The following STPG2 variants were observed in gnomAD, a reference collection of about 807,000 sequenced individuals.
STPG2 encodes sperm tail PG-rich repeat containing 2, also known as sperm-tail PG-rich repeat-containing protein 2.
In STPG2, 56 loss-of-function variants were observed where a neutral mutation model predicts 54.2. The observed-to-expected ratio is 1.03, with a 90% CI of 0.83 to 1.29. The LOEUF is 1.29. Ranked by LOEUF, STPG2 falls within the 50% of genes most tolerant of loss-of-function variation. STPG2 has a pLI of 0.00. For synonymous variants in STPG2, 200 were observed against 181.8 expected (o/e 1.10, Z -0.81); for missense variants, 596 against 544.9 (o/e 1.09, Z -0.93).
At position 97,486,488 on chromosome 4, in the gene STPG2, A is replaced by G. The variant is rs572042296; in HGVS notation, c.462+226211T>C. Among the ~76,000 whole-genome samples, 5 of 152,000 alleles carry G rather than the reference A, an allele frequency of 3.3e-5. No homozygotes were observed. The South Asian group carries it at 1.0e-3, about 32-fold the overall frequency. ...TGCAATACCACCTACTCCTGCAAGA[A>G]TGACCATAATCAAAAAATCAAAAAA... On this transcript the variant is annotated intron_variant, in intron 4 of 4. Coordinates refer to the STPG2 transcript ENST00000522676.
intron 8 of STPG2, among the ~76,000 whole-genome samples, chr4:97,943,309 T>A (rs974458573): frequency 6.6e-6 from 1 of 152,166 alleles, no homozygotes; most frequent in African/African-American, 2.4e-5. Context: ...AGCAACATTA[T>A]CACTGGGTCC....
intron 4 of STPG2, among the ~76,000 whole-genome samples, chr4:97,452,606 T>C (rs1349484870): frequency 2.0e-5 from 3 of 152,094 alleles, no homozygotes; most frequent in Non-Finnish European, 2.9e-5. Context: ...GCAACCCTTA[T>C]TGTTGACAGC....
At chr4:97,696,625 T>C (rs1276460712) in intron 10 of STPG2, among the ~76,000 whole-genome samples, 1 of 152,122 alleles carries the variant, frequency 6.6e-6, no homozygotes, top group Non-Finnish European at 1.5e-5. Flanking sequence ...AATCTATACA[T>C]CTGACAATGG....
rs1440640202 is a variant in STPG2 at position 97,858,721 on chromosome 4, C to A, written c.1045-17789G>T. ...AACTCCATCCAGGTTGCTGTGAATGCCATTATTTCATTTCTTTTCATTGCT... is the reference window on the plus strand; with the variant it reads ...AACTCCATCCAGGTTGCTGTGAATGACATTATTTCATTTCTTTTCATTGCT... On this transcript the variant is annotated intron_variant, in intron 8 of 10. Coordinates refer to ENST00000295268, the MANE Select transcript of STPG2 (RefSeq NM_174952.3). 2.6e-5 allele frequency among the ~76,000 whole-genome samples: 4 copies of A among 152,264 alleles called. No individual in the cohort carries two copies. The South Asian group carries it at 6.2e-4, about 24-fold the overall frequency.
chr4:97,949,702 G>T (rs1224037416), intron 7 of STPG2, among the ~76,000 whole-genome samples: 1 of 152,178 alleles, frequency 6.6e-6, no homozygotes, highest in African/African-American at 2.4e-5. Flanking sequence ...AGAGGCTAAA[G>T]ATAGGACCCC....
intron 10 of STPG2, among the ~76,000 whole-genome samples, chr4:97,609,112 A>G (rs1733670491): frequency 6.6e-6 from 1 of 152,086 alleles, no homozygotes; most frequent in Admixed American, 6.6e-5. Flanking sequence ...AAATTTCAAA[A>G]CAAAGTTTTA....
chr4:97,680,619 A>C (rs1024271079), intron 10 of STPG2, among the ~76,000 whole-genome samples: 1 of 152,040 alleles, frequency 6.6e-6, no homozygotes, highest in Non-Finnish European at 1.5e-5. Flanking sequence ...AATACCCTTT[A>C]TTTCCTTCTC....
intron 4 of STPG2, among the ~76,000 whole-genome samples, chr4:97,462,786 G>T (rs1319280698): frequency 6.6e-6 from 1 of 151,634 alleles, no homozygotes; most frequent in Non-Finnish European, 1.5e-5. Flanking sequence ...GATTATTTTG[G>T]ACTCTTAAAT....
chr4:97,904,732 C>A (rs1731333413), intron 8 of STPG2, among the ~76,000 whole-genome samples: 1 of 152,134 alleles, frequency 6.6e-6, no homozygotes, highest in Non-Finnish European at 1.5e-5. Flanking sequence ...GAATGTATAA[C>A]TAGAATAATC....
chr4:97,840,117 T>G (rs1728750532), intron 9 of STPG2, among the ~76,000 whole-genome samples: 1 of 151,634 alleles, frequency 6.6e-6, no homozygotes, highest in African/African-American at 2.4e-5. Flanking sequence ...ATTTTGGAAT[T>G]GTAAATGCTC....
intron 10 of STPG2, among the ~76,000 whole-genome samples, chr4:97,597,875 C>A (rs1414841020): frequency 2.0e-5 from 3 of 151,974 alleles, no homozygotes; most frequent in Non-Finnish European, 2.9e-5. Context: ...TATTGGAACC[C>A]TAGCCAAAGA....
At chr4:98,073,066 T>C (rs1738057374) in intron 5 of STPG2, among the ~76,000 whole-genome samples, 1 of 152,218 alleles carries the variant, frequency 6.6e-6, no homozygotes, top group Admixed American at 6.5e-5. Flanking sequence ...GGTATTATTA[T>C]TTATTTATTC....
chr4:97,881,497 GC>G (rs1395838707), intron 8 of STPG2, among the ~76,000 whole-genome samples: 3 of 151,954 alleles, frequency 2.0e-5, no homozygotes, highest in Non-Finnish European at 2.9e-5. Flanking sequence ...TCATAAATGG[GC>G]AAGTAAGAAA....
At chr4:97,701,191 A>G (rs904219229) in intron 10 of STPG2, among the ~76,000 whole-genome samples, 3 of 152,120 alleles carry the variant, frequency 2.0e-5, no homozygotes, top group African/African-American at 7.2e-5. Context: ...CCTACCATTC[A>G]GGGAGCCAAT....
intron 9 of STPG2, among the ~76,000 whole-genome samples, chr4:97,766,360 T>C (rs1322487684): frequency 1.3e-5 from 2 of 152,100 alleles, no homozygotes; most frequent in Admixed American, 1.3e-4. Flanking sequence ...GAGAAACATG[T>C]TATTCCCAAA....
chr4:97,723,226 A>C (rs1045796146), intron 9 of STPG2, among the ~76,000 whole-genome samples: 5 of 151,888 alleles, frequency 3.3e-5, no homozygotes, highest in Admixed American at 3.3e-4. Context: ...AGTTAAGCTT[A>C]GATTTTTTTT....
chr4:97,655,719 T>C (rs1722202485), intron 10 of STPG2, among the ~76,000 whole-genome samples: 1 of 152,148 alleles, frequency 6.6e-6, no homozygotes, highest in African/African-American at 2.4e-5. Flanking sequence ...TAATAGCATA[T>C]CCATGACTCA....
chr4:97,939,263 G>T (rs1381390566), intron 8 of STPG2, among the ~76,000 whole-genome samples: 1 of 152,148 alleles, frequency 6.6e-6, no homozygotes, highest in South Asian at 2.1e-4. Context: ...GTGCCATGTG[G>T]CAATAAGAGG....
chr4:97,851,055 C>T (rs964405257), intron 8 of STPG2, among the ~76,000 whole-genome samples: 2 of 152,118 alleles, frequency 1.3e-5, no homozygotes, highest in African/African-American at 4.8e-5. Flanking sequence ...CTTTGGGTCT[C>T]AAATCTTCCC....
Sources: gnomAD v4.1 joint callset for allele counts (sites outside exome capture counted in the v4.1 genomes callset) on GRCh38, gnomAD v4.1.1 for gene constraint, MANE v1.5 for transcripts, NCBI Gene and HGNC (gene_info 2026-07-23, HGNC 2026-07-21) for gene names.